Variants in CNTNAP5 observed in about 807,000 individuals in gnomAD.
CNTNAP5 encodes the protein contactin-associated protein-like 5.
Under a neutral mutation model 150.2 loss-of-function variants are expected in CNTNAP5, and 72 were observed. The ratio of observed to expected loss-of-function variants is 0.48; its 90% confidence interval spans 0.40 to 0.58. The LOEUF is 0.58. Among genes scored for constraint, CNTNAP5 ranks in the 20% least tolerant of loss-of-function variants. CNTNAP5 has a pLI of 0.00. For synonymous variants in CNTNAP5, 672 were observed against 619.8 expected (o/e 1.08, Z -1.25); for missense variants, 1,636 against 1,626.2 (o/e 1.01, Z -0.10).
At chr2:124,052,521 G>A (rs2104644052) in intron 1 of CNTNAP5, among the ~76,000 whole-genome samples, 1 of 152,324 alleles carries the variant, frequency 6.6e-6, no homozygotes, top group African/African-American at 2.4e-5. Flanking sequence ...GCAAGCATTT[G>A]CAGTGCAGAA....
At chr2:124,139,653 T>C (rs1399249776) in intron 1 of CNTNAP5, among the ~76,000 whole-genome samples, 1 of 152,194 alleles carries the variant, frequency 6.6e-6, no homozygotes, top group Non-Finnish European at 1.5e-5. Context: ...TGTAATTATA[T>C]CCTTCCTTCG....
chr2:124,246,431 G>A (rs1293728409), intron 3 of CNTNAP5, among the ~76,000 whole-genome samples: 1 of 152,050 alleles, frequency 6.6e-6, no homozygotes, highest in African/African-American at 2.4e-5. Flanking sequence ...GGTGTGTCAG[G>A]GACAAACCCT....
chr2:124,033,266 G>A (rs1681113948), intron 1 of CNTNAP5, among the ~76,000 whole-genome samples: 1 of 152,164 alleles, frequency 6.6e-6, no homozygotes, highest in Non-Finnish European at 1.5e-5. Flanking sequence ...CCAAAACACT[G>A]CTTGTGAGTT....
intron 23 of CNTNAP5, among the ~76,000 whole-genome samples, chr2:124,912,981 T>C (rs1315330716): frequency 6.6e-6 from 1 of 152,184 alleles, no homozygotes; most frequent in Non-Finnish European, 1.5e-5. Flanking sequence ...TTGTAGAAAA[T>C]GCCACAAAAT....
At chr2:124,904,998 T>G (rs533084988) in intron 22 of CNTNAP5, among the ~76,000 whole-genome samples, 8 of 132,626 alleles carry the variant, frequency 6.0e-5, no homozygotes, top group African/African-American at 2.3e-4. Flanking sequence ...GATGAAGGGT[T>G]AGTATCCAAA....
At chr2:124,738,681 A>C (rs1680437456) in intron 13 of CNTNAP5, among the ~76,000 whole-genome samples, 1 of 151,252 alleles carries the variant, frequency 6.6e-6, no homozygotes, top group Non-Finnish European at 1.5e-5. Context: ...CAGTGAGCCG[A>C]GATTATGCCA....
intron 21 of CNTNAP5, among the ~76,000 whole-genome samples, chr2:124,882,695 A>G (rs1677988717): frequency 6.6e-6 from 1 of 152,112 alleles, no homozygotes; most frequent in Admixed American, 6.6e-5. Context: ...AGGAAGTTCC[A>G]TATGTGTACG....
intron 11 of CNTNAP5, among the ~76,000 whole-genome samples, chr2:124,606,751 C>T (rs1677228009): frequency 6.6e-6 from 1 of 152,132 alleles, no homozygotes; most frequent in Non-Finnish European, 1.5e-5. Flanking sequence ...GAAACTCTCC[C>T]TTTTAAAAAT....
rs1017365393 is a variant in CNTNAP5, at chr2:124,915,741, G to A, written c.*1453G>A. Among the ~76,000 whole-genome samples, 22 of 151,996 alleles carry A rather than the reference G, an allele frequency of 1.4e-4. No homozygotes were observed. The highest frequency in any genetic ancestry group is 5.3e-4 in the African/African-American group (22 of 41,408). On this transcript the variant is annotated 3_prime_UTR_variant, in exon 24 of 24. Coordinates refer to ENST00000682447, the MANE Select transcript of CNTNAP5 (RefSeq NM_001367498.1). ...TGAAAACAGTCATTCCTTCAAGAAG[G>A]CACCTTGAGCTCATCCATGGGGTGG...
chr2:124,320,353 T>C (rs1171739364), intron 3 of CNTNAP5, among the ~76,000 whole-genome samples: 1 of 152,234 alleles, frequency 6.6e-6, no homozygotes, highest in African/African-American at 2.4e-5. Flanking sequence ...TTAATAGATC[T>C]GGAGTGATAT....
At chr2:124,257,142 G>C (rs539715174) in intron 3 of CNTNAP5, among the ~76,000 whole-genome samples, 1 of 152,152 alleles carries the variant, frequency 6.6e-6, no homozygotes, top group East Asian at 1.9e-4. Flanking sequence ...ATGTGTCCCT[G>C]TTGGAATTAT....
At chr2:124,426,697 C>T (rs1692246029) in intron 4 of CNTNAP5, among the ~76,000 whole-genome samples, 1 of 152,184 alleles carries the variant, frequency 6.6e-6, no homozygotes, top group African/African-American at 2.4e-5. Flanking sequence ...TTGGAATCTT[C>T]TATTCAGTGA....
At chr2:124,823,801 A>G (rs946990460) in intron 19 of CNTNAP5, among the ~76,000 whole-genome samples, 2 of 152,116 alleles carry the variant, frequency 1.3e-5, no homozygotes, top group African/African-American at 4.8e-5. Context: ...ATGCCAAGCA[A>G]GTTTCTGCTG....
At chr2:124,095,689 C>T (rs1347197200) in intron 1 of CNTNAP5, among the ~76,000 whole-genome samples, 1 of 152,114 alleles carries the variant, frequency 6.6e-6, no homozygotes, top group East Asian at 1.9e-4. Flanking sequence ...TCTTCTGTTG[C>T]CTCCCATGGA....
chr2:124,411,269 A>G (rs1025358059), intron 3 of CNTNAP5, among the ~76,000 whole-genome samples: 1 of 152,194 alleles, frequency 6.6e-6, no homozygotes, highest in African/African-American at 2.4e-5. Context: ...CCAGGACCAG[A>G]TGGATTCACA....
rs529843920 is a variant in CNTNAP5, at chr2:124,794,323, C to T, written c.2993-3773C>T. Reference sequence around the variant, plus strand: ...CAAGATTCCGTGGTTTCCTCATCTACGAGATGTGGGAAGCGCAGGACTCTT... The same window carrying T: ...CAAGATTCCGTGGTTTCCTCATCTATGAGATGTGGGAAGCGCAGGACTCTT... On this transcript the variant is annotated intron_variant, in intron 18 of 23. Transcript: ENST00000682447. Among the ~76,000 whole-genome samples the T allele has an allele frequency of 3.9e-5, 6 of 152,280 alleles. No individual in the cohort carries two copies. In the South Asian group the frequency reaches 6.2e-4, roughly 16 times the overall value.
chr2:124,424,762 A>G lies in CNTNAP5; in HGVS notation c.529+7172A>G, dbSNP rs1475505292. On this transcript the variant is annotated intron_variant, in intron 4 of 23. Coordinates refer to ENST00000682447, the MANE Select transcript of CNTNAP5 (RefSeq NM_001367498.1). ...TGCTAGGCTTCAGAGATACAAAAAT[A>G]AATAAGACAATCCTTGCCCTTTAGG... Among the ~76,000 whole-genome samples the G allele has an allele frequency of 2.0e-5, 3 of 152,176 alleles. No homozygotes were observed. The East Asian group carries it at 5.8e-4, about 29-fold the overall frequency.
chr2:124,379,067 C>T (rs745457899), intron 3 of CNTNAP5, among the ~76,000 whole-genome samples: 1 of 151,944 alleles, frequency 6.6e-6, no homozygotes, highest in South Asian at 2.1e-4. Context: ...TTCCCACATA[C>T]CCCTGGCCCC....
chr2:124,368,300 C>T (rs574643312), intron 3 of CNTNAP5, among the ~76,000 whole-genome samples: 5 of 152,270 alleles, frequency 3.3e-5, no homozygotes, highest in African/African-American at 1.2e-4. Context: ...ATGCCATTTC[C>T]ATTCATCTGA....
Sources: allele counts gnomAD v4.1 joint callset (sites outside exome capture counted in the v4.1 genomes callset), GRCh38; gene constraint gnomAD v4.1.1; transcripts MANE v1.5; gene names NCBI Gene and HGNC (gene_info 2026-07-23, HGNC 2026-07-21).